TRAM2: variants seen among roughly 807,000 people sequenced by gnomAD.
TRAM2 encodes the protein translocation associated membrane protein 2.
In TRAM2, 12 loss-of-function variants were observed where a neutral mutation model predicts 51.0. The observed-to-expected ratio is 0.24, with a 90% CI of 0.15 to 0.38. The LOEUF (loss-of-function observed/expected upper bound fraction) is 0.38, where lower values mean the gene tolerates loss of function less well. TRAM2 is among the 10% of genes least tolerant of loss of function. TRAM2 has a pLI of 1.00. For missense variants in TRAM2, 361 were observed against 462.0 expected (o/e 0.78, Z 2.00); for synonymous variants, 175 against 179.4 (o/e 0.98, Z 0.20).
intron 2 of TRAM2, among the ~76,000 whole-genome samples, chr6:52,521,069 A>T (rs962808363): frequency 2.1e-5 from 3 of 146,122 alleles, no homozygotes; most frequent in East Asian, 2.0e-4. Flanking sequence ...GTTCCGGCAA[A>T]TTTTTTTTTT....
At position 52,562,585 on chromosome 6, in the gene TRAM2, G is replaced by T. The variant is rs148731909; in HGVS notation, c.120+14211C>A. 5.5e-3 allele frequency among the ~76,000 whole-genome samples: 842 copies of T among 152,250 alleles called. 6 individuals carry two copies. Among genetic ancestry groups the T allele is most frequent in the African/African-American group, 0.019 (773 of 41,530 alleles). On this transcript the variant is annotated intron_variant, in intron 1 of 10. Transcript: ENST00000182527. The stretch of plus-strand genomic sequence containing the variant: ...AGAATTTTTTTAAATTATACTTTAA[G>T]TTCTAGGGTACATGTGCAGAACGTG...
At chr6:52,506,749 C>T (rs62407918) in intron 7 of TRAM2, among the ~76,000 whole-genome samples, 16,217 of 152,252 alleles carry the variant, frequency 0.11, 1,014 homozygotes, top group Non-Finnish European at 0.14. Flanking sequence ...CATCCGGGAA[C>T]TGACGCTGCT....
At chr6:52,521,472 T>A (rs1399081212) in intron 2 of TRAM2, among the ~76,000 whole-genome samples, 1 of 151,498 alleles carries the variant, frequency 6.6e-6, no homozygotes, top group Non-Finnish European at 1.5e-5. Flanking sequence ...GGCAGGCGGA[T>A]CAAGAGATCA....
intron 1 of TRAM2, among the ~76,000 whole-genome samples, chr6:52,543,698 C>A (rs937501851): frequency 2.0e-5 from 3 of 152,074 alleles, no homozygotes; most frequent in African/African-American, 7.2e-5. Context: ...GTTTTCGCTC[C>A]GTAAGACAGA....
At chr6:52,531,787 G>T (rs1478134934) in intron 2 of TRAM2, among the ~76,000 whole-genome samples, 1 of 152,074 alleles carries the variant, frequency 6.6e-6, no homozygotes, top group African/African-American at 2.4e-5. Context: ...ACATAACCTT[G>T]TACATTTCCT....
Position 52,505,938 on chromosome 6 carries a change from T to C in TRAM2, c.731+94A>G, listed in dbSNP as rs1562474427. On this transcript the variant is annotated intron_variant, in intron 8 of 10. Coordinates refer to ENST00000182527, the MANE Select transcript of TRAM2 (RefSeq NM_012288.4). ...GCACCACCTGCAGGTAAGCGGGCAG[T>C]GTGCAACCAGGGAGGGACCCTCCAA... 8 of 1,456,138 alleles carry C rather than the reference T, an allele frequency of 5.5e-6. No homozygotes were observed. In the East Asian group the frequency reaches 9.1e-5, roughly 17 times the overall value. The allele number at this position is 1,456,138 out of a possible 1,614,324, so 90.2% of individuals were successfully genotyped here. A position where few individuals can be genotyped will look rare whatever the true frequency, so the allele number is the denominator to read the frequency against.
At chr6:52,521,857 G>A (rs148005609) in intron 2 of TRAM2, among the ~76,000 whole-genome samples, 315 of 152,236 alleles carry the variant, frequency 2.1e-3, no homozygotes, top group African/African-American at 7.1e-3. Context: ...AACAGCAATC[G>A]TTTGGCAATA....
chr6:52,543,385 A>G (rs937570028), intron 1 of TRAM2, among the ~76,000 whole-genome samples: 6 of 152,392 alleles, frequency 3.9e-5, no homozygotes, highest in African/African-American at 1.4e-4. Context: ...GACATTCTTA[A>G]TATTTATTTC....
At chr6:52,516,155 T>C (rs894273754) in intron 3 of TRAM2, 33 bp from the exon 4 acceptor site, 4 of 1,581,364 alleles carry the variant, frequency 2.5e-6, no homozygotes, top group South Asian at 1.1e-5. Flanking sequence ...CATATTAATA[T>C]ACAAATGTAT....
intron 2 of TRAM2, among the ~76,000 whole-genome samples, chr6:52,534,007 C>T (rs1369599116): frequency 2.0e-5 from 3 of 151,722 alleles, no homozygotes; most frequent in African/African-American, 4.8e-5. Context: ...ATCACTTGAA[C>T]CCGGGAGGTG....
chr6:52,556,928 A>C (rs1581699398), intron 1 of TRAM2, among the ~76,000 whole-genome samples: 1 of 23,502 alleles, frequency 4.3e-5, no homozygotes, highest in Admixed American at 7.3e-4. Context: ...ACTCCATCTC[A>C]AAAAAAAAAA....
rs1159201493 is a variant in TRAM2 at position 52,501,576 on chromosome 6, C to T, written c.*1621G>A. 6.6e-6 allele frequency: 1 copy of T among 152,184 alleles called. No homozygotes were observed. Among genetic ancestry groups the T allele is most frequent in the Non-Finnish European group, 1.5e-5 (1 of 68,064 alleles). 9.4% of individuals were successfully genotyped at this position (152,184 alleles called of 1,614,324 possible). On this transcript the variant is annotated 3_prime_UTR_variant, in exon 11 of 11. Transcript: ENST00000182527. ...ACTTTTGTTTTTTTAGACAGAATTT[C>T]GCTCTTGTTGTCCAGGCTGGAGTGC...
In TRAM2 at chr6:52,527,866, T is replaced by C. The variant is rs114541196; in HGVS notation, c.184+7917A>G. 1.9e-3 allele frequency among the ~76,000 whole-genome samples: 284 copies of C among 152,276 alleles called. 1 individual carries two copies. Among genetic ancestry groups the C allele is most frequent in the African/African-American group, 6.5e-3 (268 of 41,544 alleles). The stretch of plus-strand genomic sequence containing the variant: ...CTTTCTGCACAATTGTTACACTTAA[T>C]AAGTTTTAGTTATTGGAAAAAAAAA... On this transcript the variant is annotated intron_variant, in intron 2 of 10. Coordinates refer to ENST00000182527, the MANE Select transcript of TRAM2 (RefSeq NM_012288.4).
At chr6:52,517,473 C>G (rs1378188582) in intron 2 of TRAM2, 1 of 152,218 alleles carries the variant, frequency 6.6e-6, no homozygotes, top group Non-Finnish European at 1.5e-5. Context: ...TACAGTAAGT[C>G]TGCAATAAAT....
chr6:52,511,914 C>T (rs934252624), intron 4 of TRAM2, among the ~76,000 whole-genome samples: 2 of 151,984 alleles, frequency 1.3e-5, no homozygotes, highest in Admixed American at 6.6e-5. Flanking sequence ...GGTCACGTGC[C>T]GATTGAGGAA....
intron 5 of TRAM2, among the ~76,000 whole-genome samples, 159 bp downstream of exon 5, chr6:52,509,369 G>A (rs1468712667): frequency 6.6e-6 from 1 of 152,218 alleles, no homozygotes; most frequent in Non-Finnish European, 1.5e-5. Context: ...ATGCTGAGAA[G>A]AAGTGGCTTC....
chr6:52,555,197 A>G (rs1330722365), intron 1 of TRAM2, among the ~76,000 whole-genome samples: 1 of 152,138 alleles, frequency 6.6e-6, no homozygotes, highest in Admixed American at 6.5e-5. Context: ...TCTTTCCAGC[A>G]TCCCTTGGCT....
chr6:52,520,165 AAAC>A (rs1461124641), intron 2 of TRAM2, among the ~76,000 whole-genome samples: 14 of 152,374 alleles, frequency 9.2e-5, no homozygotes, highest in African/African-American at 3.4e-4. Context: ...ACAATTTAAA[AAAC>A]AACAACAGCC....
intron 7 of TRAM2, 80 bp from the exon 8 acceptor site, chr6:52,506,216 G>A (rs1766347475): frequency 1.3e-5 from 17 of 1,312,756 alleles, no homozygotes; most frequent in Non-Finnish European, 1.7e-5. Context: ...GGCTCAGGCT[G>A]TCCCCTGTGC....
Sources: allele counts gnomAD v4.1 joint callset (sites outside exome capture counted in the v4.1 genomes callset), GRCh38; gene constraint gnomAD v4.1.1; transcripts MANE v1.5; gene names NCBI Gene and HGNC (gene_info 2026-07-23, HGNC 2026-07-21).